KCTD8: variants seen among roughly 807,000 people sequenced by gnomAD.
KCTD8 encodes the protein BTB/POZ domain-containing protein KCTD8.
A neutral mutation model predicts 31.5 loss-of-function variants in KCTD8; 27 were observed. The observed-to-expected ratio is 0.86, with a 90% CI of 0.63 to 1.18. The LOEUF is 1.18. Among genes scored for constraint, KCTD8 ranks in the 50% most tolerant of loss-of-function variants. KCTD8 has a pLI of 0.00. For missense variants in KCTD8, 658 were observed against 647.7 expected (o/e 1.02, Z -0.17); for synonymous variants, 290 against 280.0 (o/e 1.04, Z -0.36).
intron 1 of KCTD8, among the ~76,000 whole-genome samples, chr4:44,218,124 CTTTTTT>C (rs570521203): frequency 2.2e-5 from 2 of 91,512 alleles, no homozygotes; most frequent in Non-Finnish European, 4.0e-5. Flanking sequence ...TTAAAATGTC[CTTTTTT>C]TTTTTTTTTT....
At chr4:44,421,058 T>C (rs1721197054) in intron 1 of KCTD8, among the ~76,000 whole-genome samples, 1 of 152,076 alleles carries the variant, frequency 6.6e-6, no homozygotes, top group Non-Finnish European at 1.5e-5. Flanking sequence ...TAAAGTTGTA[T>C]CTTTTGCTTT....
intron 1 of KCTD8, among the ~76,000 whole-genome samples, chr4:44,206,761 C>T (rs1714323982): frequency 6.6e-6 from 1 of 152,124 alleles, no homozygotes; most frequent in South Asian, 2.1e-4. Context: ...TTGACTTGGG[C>T]TTAACCACTT....
chr4:44,345,421 C>T (rs954513122), intron 1 of KCTD8, among the ~76,000 whole-genome samples: 1 of 151,900 alleles, frequency 6.6e-6, no homozygotes, highest in African/African-American at 2.4e-5. Flanking sequence ...TTATACAAGG[C>T]AAAATGAAGA....
chr4:44,432,287 T>C (rs1436143511), intron 1 of KCTD8, among the ~76,000 whole-genome samples: 1 of 151,776 alleles, frequency 6.6e-6, no homozygotes, highest in African/African-American at 2.4e-5. Flanking sequence ...TTTCCTTCCA[T>C]GTTTTTTAAT....
rs373856157 is a variant in KCTD8, at chr4:44,297,934, G to C, written c.962-122684C>G. On this transcript the variant is annotated intron_variant, in intron 1 of 1. Transcript: ENST00000360029. ...GTCCTTGCTTTTAAAGCACACAATA[G>C]GATCAACATCCTTTTCATTGTACTT... Among the ~76,000 whole-genome samples, 7 of 152,146 alleles carry C rather than the reference G, an allele frequency of 4.6e-5. No homozygotes were observed. In the South Asian group the frequency reaches 1.5e-3, roughly 32 times the overall value.
At chr4:44,334,278 A>C (rs1718661609) in intron 1 of KCTD8, among the ~76,000 whole-genome samples, 1 of 152,118 alleles carries the variant, frequency 6.6e-6, no homozygotes, top group African/African-American at 2.4e-5. Context: ...TTCATTGTAC[A>C]GTACACATTC....
Position 44,265,366 on chromosome 4 carries a change from G to C in KCTD8, c.962-90116C>G, listed in dbSNP as rs971191487. The stretch of plus-strand genomic sequence containing the variant: ...TAGAAGGAAAACTAACAAACAGAAA[G>C]GACATCCACACCAAAAACCCATCTG... On this transcript the variant is annotated intron_variant, in intron 1 of 1. Transcript: ENST00000360029. Among the ~76,000 whole-genome samples the C allele has an allele frequency of 7.2e-5, 11 of 152,234 alleles. No homozygotes were observed. In the East Asian group the frequency reaches 1.9e-3, roughly 27 times the overall value.
At chr4:44,393,806 T>C (rs1001024600) in intron 1 of KCTD8, among the ~76,000 whole-genome samples, 2 of 151,926 alleles carry the variant, frequency 1.3e-5, no homozygotes, top group Admixed American at 6.6e-5. Context: ...AATAAACATT[T>C]ACAGAGCATC....
intron 1 of KCTD8, among the ~76,000 whole-genome samples, chr4:44,204,538 G>A (rs185953188): frequency 1.3e-5 from 2 of 152,110 alleles, no homozygotes; most frequent in Admixed American, 6.5e-5. Context: ...ACCCTCTCAC[G>A]TGGACCCCCT....
At chr4:44,234,286 G>A (rs1715208071) in intron 1 of KCTD8, among the ~76,000 whole-genome samples, 1 of 152,098 alleles carries the variant, frequency 6.6e-6, no homozygotes. Context: ...TTAGTGTTTG[G>A]TTATGGGCAT....
chr4:44,396,680 G>T (rs1720513738), intron 1 of KCTD8, among the ~76,000 whole-genome samples: 1 of 151,876 alleles, frequency 6.6e-6, no homozygotes, highest in African/African-American at 2.4e-5. Context: ...AACCTATTAG[G>T]GAAATATCTG....
rs181803526 is a variant in KCTD8 at position 44,399,488 on chromosome 4, G to C, written c.961+48075C>G. ...AGATCCCAGAGGCGGAAAAGGGTGA[G>C]ATCTAACTCAGAGGTGGACGAGTTA... is the stretch of plus-strand genomic sequence containing the variant. On this transcript the variant is annotated intron_variant, in intron 1 of 1. Coordinates refer to ENST00000360029, the MANE Select transcript of KCTD8 (RefSeq NM_198353.3). 7.7e-4 allele frequency among the ~76,000 whole-genome samples: 117 copies of C among 152,246 alleles called. 1 individual carries two copies. Among genetic ancestry groups the C allele is most frequent in the African/African-American group, 2.7e-3 (112 of 41,544 alleles).
intron 1 of KCTD8, among the ~76,000 whole-genome samples, chr4:44,289,447 G>A (rs973042985): frequency 6.6e-6 from 1 of 152,086 alleles, no homozygotes; most frequent in Non-Finnish European, 1.5e-5. Flanking sequence ...ACTTTGAATA[G>A]ATCCATGGAG....
chr4:44,233,533 T>A (rs1257842242), intron 1 of KCTD8, among the ~76,000 whole-genome samples: 3 of 152,140 alleles, frequency 2.0e-5, no homozygotes, highest in Non-Finnish European at 2.9e-5. Flanking sequence ...TAAATTTGCT[T>A]CAACATGGCA....
At chr4:44,307,634 C>T (rs1717840389) in intron 1 of KCTD8, among the ~76,000 whole-genome samples, 1 of 152,092 alleles carries the variant, frequency 6.6e-6, no homozygotes, top group Non-Finnish European at 1.5e-5. Flanking sequence ...AACACGATTG[C>T]TTCCACTGTA....
In KCTD8 at chr4:44,447,982, C is replaced by A; in HGVS notation, c.542G>T (p.Gly181Val). ...GCCCGAGGGCACGGCGGCCGCCGCC[C>A]CGCGCAGCAGCAGCGCGTCGCTGCT... ...QGSSDALLLR[G>V]AAAAVPSGPG... The change falls in exon 1 of 2, where the codon GGG becomes GTG. Residue 181 changes from glycine to valine, a missense_variant. Transcript: ENST00000360029. The A allele has an allele frequency of 6.5e-7, 1 of 1,543,942 alleles. No homozygotes were observed. The highest frequency in any genetic ancestry group is 1.2e-5 in the South Asian group (1 of 83,078).
chr4:44,196,481 T>G (rs1012733029), intron 1 of KCTD8, among the ~76,000 whole-genome samples: 66 of 152,316 alleles, frequency 4.3e-4, no homozygotes, highest in African/African-American at 1.5e-3. Context: ...GGGTTCAAGA[T>G]AGCAGACTGG....
chr4:44,321,014 C>T (rs1048625919), intron 1 of KCTD8, among the ~76,000 whole-genome samples: 1 of 152,188 alleles, frequency 6.6e-6, no homozygotes, highest in African/African-American at 2.4e-5. Flanking sequence ...ATGTGTTTTA[C>T]ATGCCGAGAA....
At chr4:44,443,374 A>C (rs138629005) in intron 1 of KCTD8, among the ~76,000 whole-genome samples, 97 of 152,350 alleles carry the variant, frequency 6.4e-4, no homozygotes, top group African/African-American at 2.3e-3. Context: ...ATTTTTAAAG[A>C]TGTGTCTTAG....
Sources: gnomAD v4.1 joint callset for allele counts (sites outside exome capture counted in the v4.1 genomes callset) on GRCh38, gnomAD v4.1.1 for gene constraint, MANE v1.5 for transcripts, NCBI Gene and HGNC (gene_info 2026-07-23, HGNC 2026-07-21) for gene names.